The following KCNG4 variants were observed in gnomAD, a reference collection of about 807,000 sequenced individuals.
KCNG4 encodes the protein potassium voltage-gated channel modifier subfamily G member 4.
Under a neutral mutation model 28.2 loss-of-function variants are expected in KCNG4, and 30 were observed. That is an observed-to-expected ratio of 1.06 (90% CI 0.80 to 1.44). KCNG4 has a LOEUF of 1.44. KCNG4 is among the 40% of genes most tolerant of loss of function. The pLI, the probability that KCNG4 is intolerant of heterozygous loss-of-function variation, is 0.00. For synonymous variants in KCNG4, 375 were observed against 315.5 expected (o/e 1.19, Z -2.00); for missense variants, 879 against 712.3 (o/e 1.23, Z -2.66).
In KCNG4 at chr16:84,222,876, G is replaced by A. The variant is rs745784683; in HGVS notation, c.901C>T (p.Leu301=). The A allele has an allele frequency of 1.2e-6, 2 of 1,612,258 alleles. No individual in the cohort carries two copies. Among genetic ancestry groups the A allele is most frequent in the Admixed American group, 3.3e-5 (2 of 59,890 alleles). Residue 301 remains leucine, a synonymous_variant, in exon 3 of 3, where the codon CTG becomes TTG. Transcript: ENST00000308251. ...FQGPLNIIDI[L]AISPYYVSLA... ...GACACGTAGTATGGGGAGATGGCCA[G>A]GATGTCGATGATGTTCAGGGGCCCC...
At position 84,236,890 on chromosome 16, in the gene KCNG4, C is replaced by A; in HGVS notation, c.596G>T (p.Arg199Leu). ...CAGCCGGTTCATGCACAGGCCCCAG[C>A]GCGAGGAGTGCGAGGCGGGGCGGCG... ...ETRRPASHSS[R>L]WGLCMNRLRE... The change falls in exon 2 of 3, where the codon CGC (arginine) becomes CTC (leucine). Residue 199 changes from arginine (R) to leucine (L), a missense_variant. By Grantham distance (102) the Arg-to-Leu change is moderately radical. Coordinates refer to ENST00000308251, the MANE Select transcript of KCNG4 (RefSeq NM_172347.3). 2 of 1,613,476 alleles carry A rather than the reference C, an allele frequency of 1.2e-6. No individual in the cohort carries two copies. Among genetic ancestry groups the A allele is most frequent in the Non-Finnish European group, 1.7e-6 (2 of 1,179,988 alleles).
chr16:84,229,062 G>A (rs1219727841), intron 2 of KCNG4, among the ~76,000 whole-genome samples: 1 of 152,064 alleles, frequency 6.6e-6, no homozygotes, highest in Admixed American at 6.5e-5. Flanking sequence ...ACTTCGGGAG[G>A]CTGAAGTGGG....
chr16:84,227,859 G>T (rs1448823746), intron 2 of KCNG4, among the ~76,000 whole-genome samples: 3 of 152,204 alleles, frequency 2.0e-5, no homozygotes, highest in Non-Finnish European at 4.4e-5. Flanking sequence ...TATGTGAGAT[G>T]TCCAGAGCAG....
chr16:84,222,814 C>T lies in KCNG4; in HGVS notation c.963G>A (p.Glu321=), dbSNP rs1172097835. The change falls in exon 3 of 3, where the codon GAG becomes GAA. Residue 321 remains glutamate (E), a synonymous_variant. Coordinates refer to ENST00000308251, the MANE Select transcript of KCNG4 (RefSeq NM_172347.3). ...AVSEEPPEDG[E]RPSGSSYLEK... ...CCAGGTAGGAGCTCCCGCTCGGCCT[C>T]TCGCCGTCCTCCGGGGGCTCCTCAG... 6.2e-7 allele frequency: 1 copy of T among 1,610,030 alleles called. No individual in the cohort carries two copies. Among genetic ancestry groups the T allele is most frequent in the African/African-American group, 1.3e-5 (1 of 74,860 alleles).
At chr16:84,231,708 C>A (rs969726689) in intron 2 of KCNG4, among the ~76,000 whole-genome samples, 1 of 152,064 alleles carries the variant, frequency 6.6e-6, no homozygotes, top group Non-Finnish European at 1.5e-5. Context: ...CCAGTGCATT[C>A]AAGTGAGAGT....
intron 2 of KCNG4, among the ~76,000 whole-genome samples, chr16:84,228,110 G>A (rs758923552): frequency 2.0e-5 from 3 of 152,224 alleles, no homozygotes; most frequent in Non-Finnish European, 2.9e-5. Flanking sequence ...CCTGTTTCAC[G>A]CAGCAGCAGA....
At chr16:84,223,757 C>T (rs981937342) in intron 2 of KCNG4, among the ~76,000 whole-genome samples, 10 of 152,124 alleles carry the variant, frequency 6.6e-5, no homozygotes, top group African/African-American at 2.4e-4. Context: ...TGTTGTTTAC[C>T]ACCCCTCATT....
At chr16:84,230,882 C>G (rs1238785320) in intron 2 of KCNG4, among the ~76,000 whole-genome samples, 1 of 152,230 alleles carries the variant, frequency 6.6e-6, no homozygotes, top group African/African-American at 2.4e-5. Flanking sequence ...CTGCGCGTGG[C>G]GAGTTCGCCT....
At position 84,222,487 on chromosome 16, in the gene KCNG4, T is replaced by G; in HGVS notation, c.1290A>C (p.Pro430=). 6.2e-7 allele frequency: 1 copy of G among 1,613,772 alleles called. No homozygotes were observed. The highest frequency in any genetic ancestry group is 8.5e-7 in the Non-Finnish European group (1 of 1,179,896). ...GYGDMVPRSV[P]GQMVALSSIL... ...TGCTGCTGAGGGCCACCATCTGGCC[T>G]GGCACACTGCGGGGCACCATGTCCC... The change falls in exon 3 of 3, where the codon CCA becomes CCC. Residue 430 remains proline (P), a synonymous_variant. Transcript: ENST00000308251.
intron 2 of KCNG4, among the ~76,000 whole-genome samples, chr16:84,225,139 G>A (rs1252708943): frequency 6.6e-6 from 1 of 152,130 alleles, no homozygotes; most frequent in Non-Finnish European, 1.5e-5. Flanking sequence ...CTCCTGGTCA[G>A]TGTAAGGGTA....
rs963535018 is a variant in KCNG4 at position 84,221,516 on chromosome 16, C to G, written c.*701G>C. On this transcript the variant is annotated 3_prime_UTR_variant, in exon 3 of 3. Transcript: ENST00000308251. Reference sequence around the variant, plus strand: ...AGGTCCCAGGTCCCAGGTCACAGATCCCAGGCATGCCTGGGGATGCCTGCT... The same window carrying G: ...AGGTCCCAGGTCCCAGGTCACAGATGCCAGGCATGCCTGGGGATGCCTGCT... 3.3e-5 allele frequency: 5 copies of G among 152,320 alleles called. No homozygotes were observed. Among genetic ancestry groups the G allele is most frequent in the African/African-American group, 1.2e-4 (5 of 41,534 alleles). 9.4% of individuals were successfully genotyped at this position (152,320 alleles called of 1,614,324 possible).
intron 2 of KCNG4, among the ~76,000 whole-genome samples, chr16:84,224,014 C>T (rs1018566236): frequency 5.3e-5 from 8 of 152,256 alleles, no homozygotes; most frequent in African/African-American, 1.9e-4. Flanking sequence ...GTTCTTCCTC[C>T]CCAGTAGTTC....
chr16:84,223,292 T>C (rs1904623452), intron 2 of KCNG4, among the ~76,000 whole-genome samples: 1 of 151,456 alleles, frequency 6.6e-6, no homozygotes, highest in African/African-American at 2.4e-5. Flanking sequence ...AAACCACCTC[T>C]GGATCTAACT....
chr16:84,223,369 A>T (rs1393826999), intron 2 of KCNG4, among the ~76,000 whole-genome samples: 1 of 152,148 alleles, frequency 6.6e-6, no homozygotes, highest in Non-Finnish European at 1.5e-5. Context: ...CCCAGCTAAG[A>T]AGAGAGGACT....
At chr16:84,237,713 A>C (rs1292141089) in intron 1 of KCNG4, among the ~76,000 whole-genome samples, 188 bp from the exon 2 acceptor site, 1 of 152,202 alleles carries the variant, frequency 6.6e-6, no homozygotes, top group African/African-American at 2.4e-5. Context: ...GGGATACATC[A>C]GTGAAAAAAA....
rs1031284607 is a variant in KCNG4 at position 84,226,073 on chromosome 16, C to T, written c.757-3053G>A. Among the ~76,000 whole-genome samples the T allele has an allele frequency of 1.3e-5, 2 of 152,162 alleles. No homozygotes were observed. The highest frequency in any genetic ancestry group is 4.8e-5 in the African/African-American group (2 of 41,420). Reference sequence around the variant, plus strand: ...CCAGAAAGTTCCGGGTCCTAGGAACCCCCTGGGCCCTGGGCACACCGGGAT... The same window carrying T: ...CCAGAAAGTTCCGGGTCCTAGGAACTCCCTGGGCCCTGGGCACACCGGGAT... On this transcript the variant is annotated intron_variant, in intron 2 of 2. Transcript: ENST00000308251. The surrounding 1 kb of genome is among the most constrained non-coding windows in gnomAD (Gnocchi z 4.1).
chr16:84,223,633 A>G (rs1434695519), intron 2 of KCNG4, among the ~76,000 whole-genome samples: 2 of 152,064 alleles, frequency 1.3e-5, no homozygotes, highest in Non-Finnish European at 2.9e-5. Context: ...AGGCAGTGTG[A>G]CCCCATTTGA....
In KCNG4 at chr16:84,237,451, G is replaced by C. The variant is rs779990608; in HGVS notation, c.35C>G (p.Pro12Arg). 56 of 1,503,598 alleles carry C rather than the reference G, an allele frequency of 3.7e-5. No individual in the cohort carries two copies. The South Asian group carries it at 7.0e-4, about 19-fold the overall frequency. The allele number at this position is 1,503,598 out of a possible 1,614,324, so 93.1% of individuals were successfully genotyped here. ...GTGGGAACCATAGTGGTGGTGTCTG[G>C]GATGCAGGCCCCCGTCTCTGGAAGG... ...PMPSRDGGLH[P>R]RHHHYGSHSP... Residue 12 changes from proline (P) to arginine (R), a missense_variant, in exon 2 of 3, where the codon CCC becomes CGC. Transcript: ENST00000308251.
Position 84,219,442 on chromosome 16 carries a change from G to A in KCNG4, c.*2775C>T, listed in dbSNP as rs1904503417. The A allele has an allele frequency of 6.6e-6, 1 of 152,256 alleles. No homozygotes were observed. 9.4% of individuals were successfully genotyped at this position (152,256 alleles called of 1,614,324 possible). A position where few individuals can be genotyped will look rare whatever the true frequency, so the allele number is the denominator to read the frequency against. On this transcript the variant is annotated 3_prime_UTR_variant, in exon 3 of 3. Transcript: ENST00000308251. ...CCTAAGCGTAGTTATTAAAATGTTA[G>A]TCAGGCTTGGGCACGGTGGCTCACG...
Sources: allele counts gnomAD v4.1 joint callset (sites outside exome capture counted in the v4.1 genomes callset), GRCh38; gene constraint gnomAD v4.1.1; non-coding constraint Gnocchi (gnomAD v3.1); transcripts MANE v1.5; gene names NCBI Gene and HGNC (gene_info 2026-07-23, HGNC 2026-07-21).